Variants in ABCB1 observed in about 807,000 individuals in gnomAD.
ABCB1 encodes ATP-dependent translocase ABCB1.
A neutral mutation model predicts 142.0 loss-of-function variants in ABCB1; 69 were observed. The observed-to-expected ratio is 0.49, with a 90% CI of 0.40 to 0.59. The LOEUF (loss-of-function observed/expected upper bound fraction) is 0.59, where lower values mean the gene tolerates loss of function less well. ABCB1 is among the 20% of genes least tolerant of loss of function. The pLI, the probability that ABCB1 is intolerant of heterozygous loss-of-function variation, is 0.00. For synonymous variants in ABCB1, 532 were observed against 539.2 expected, an observed-to-expected ratio of 0.99 and a Z score of 0.18; for missense variants, 1,326 against 1,554.7, an observed-to-expected ratio of 0.85 and a Z score of 2.47.
At chr7:87,549,206 C>A in intron 14 of ABCB1, 142 bp downstream of exon 14, 3 of 868,806 alleles carry the variant, frequency 3.5e-6, no homozygotes, top group South Asian at 1.7e-5. Flanking sequence ...TCAAAGAGGC[C>A]CAATGCTTTT....
intron 22 of ABCB1, 32 bp from the exon 23 acceptor site, chr7:87,519,498 C>T: frequency 6.2e-7 from 1 of 1,613,238 alleles, no homozygotes; most frequent in Non-Finnish European, 8.5e-7. Context: ...ACTCATTCCA[C>T]TTTCATTTCT....
intron 1 of ABCB1, among the ~76,000 whole-genome samples, chr7:87,667,983 G>A (rs1825435833): frequency 1.3e-5 from 2 of 152,034 alleles, no homozygotes; most frequent in African/African-American, 4.8e-5. Flanking sequence ...TGGGTATTAA[G>A]ATGATGTTGG....
intron 1 of ABCB1, among the ~76,000 whole-genome samples, chr7:87,667,222 C>A (rs1037910334): frequency 2.0e-5 from 3 of 151,962 alleles, no homozygotes; most frequent in Non-Finnish European, 4.4e-5. Context: ...AGCTGTATTG[C>A]TATGAAGTTT....
chr7:87,681,173 A>G (rs995074734), intron 1 of ABCB1, among the ~76,000 whole-genome samples: 1 of 150,734 alleles, frequency 6.6e-6, no homozygotes, highest in Non-Finnish European at 1.5e-5. Flanking sequence ...TATCTATTAA[A>G]GAAGTTGAAT....
chr7:87,563,424 T>C (rs923897471), intron 7 of ABCB1: 21 of 453,500 alleles, frequency 4.6e-5, no homozygotes, highest in Admixed American at 4.5e-4. Flanking sequence ...AGCAAAATCC[T>C]GGCAAACTGA....
chr7:87,535,263 G>C (rs914566652), intron 20 of ABCB1, among the ~76,000 whole-genome samples: 2 of 151,648 alleles, frequency 1.3e-5, no homozygotes, highest in Non-Finnish European at 2.9e-5. Context: ...TCTACTTCTG[G>C]ATATAATGCT....
intron 16 of ABCB1, 135 bp downstream of exon 16, chr7:87,544,688 G>A: frequency 1.2e-6 from 1 of 839,680 alleles, no homozygotes; most frequent in Non-Finnish European, 1.9e-6. Context: ...ATTCTAAAAT[G>A]TTGACATTCT....
At chr7:87,617,997 T>C (rs1019822303) in intron 1 of ABCB1, among the ~76,000 whole-genome samples, 5 of 152,148 alleles carry the variant, frequency 3.3e-5, no homozygotes, top group Non-Finnish European at 5.9e-5. Flanking sequence ...TACATACTCT[T>C]CCTCTGCCTG....
intron 21 of ABCB1, among the ~76,000 whole-genome samples, chr7:87,527,053 C>T (rs1815813513): frequency 6.6e-6 from 1 of 151,924 alleles, no homozygotes; most frequent in Non-Finnish European, 1.5e-5. Flanking sequence ...GATATCCTTT[C>T]TTCTCAATGA....
Position 87,570,230 on chromosome 7 carries a change from C to T in ABCB1, c.287-7G>A. Reference sequence around the variant, plus strand: ...CCTGTATCATTGATATCACCTAGACCACCACAAAACAAACATACCATTTAT... The same window carrying T: ...CCTGTATCATTGATATCACCTAGACTACCACAAAACAAACATACCATTTAT... On this transcript the variant is annotated splice_polypyrimidine_tract_variant and splice_region_variant and intron_variant, in intron 4 of 27. Coordinates refer to ENST00000622132, the MANE Select transcript of ABCB1 (RefSeq NM_001348946.2). 6.2e-7 allele frequency: 1 copy of T among 1,611,738 alleles called. No individual in the cohort carries two copies. Among genetic ancestry groups the T allele is most frequent in the Non-Finnish European group, 8.5e-7 (1 of 1,178,528 alleles).
intron 1 of ABCB1, among the ~76,000 whole-genome samples, chr7:87,663,223 C>G (rs940103294): frequency 2.6e-5 from 4 of 151,964 alleles, no homozygotes; most frequent in Admixed American, 2.6e-4. Flanking sequence ...TAGTTGGATG[C>G]CCTTTATTTC....
At chr7:87,713,143 A>ACT (rs1333063514) in intron 1 of ABCB1, 1 of 152,182 alleles carries the variant, frequency 6.6e-6, no homozygotes, top group African/African-American at 2.4e-5. Context: ...ACAATTAGAA[A>ACT]GAGTATTTGT....
intron 23 of ABCB1, among the ~76,000 whole-genome samples, chr7:87,517,828 C>T (rs1307455993): frequency 1.3e-5 from 2 of 148,408 alleles, no homozygotes; most frequent in Non-Finnish European, 3.0e-5. Flanking sequence ...GTCCAGCTCT[C>T]CATGTTCGTG....
chr7:87,681,133 A>C (rs1305545781), intron 1 of ABCB1, among the ~76,000 whole-genome samples: 2 of 150,666 alleles, frequency 1.3e-5, no homozygotes, highest in East Asian at 4.0e-4. Flanking sequence ...AACAAAACTC[A>C]TAAAGAAGTA....
intron 1 of ABCB1, among the ~76,000 whole-genome samples, chr7:87,701,980 G>A (rs1354543774): frequency 2.0e-5 from 3 of 151,430 alleles, no homozygotes; most frequent in Non-Finnish European, 4.4e-5. Context: ...CGTCTCTACT[G>A]AAAATATAAA....
At chr7:87,710,581 G>T in intron 1 of ABCB1, 1 of 1,582,664 alleles carries the variant, frequency 6.3e-7, no homozygotes, top group East Asian at 2.3e-5. Flanking sequence ...GTAGAGCCTG[G>T]ATCAGAGTAG....
intron 21 of ABCB1, chr7:87,521,444 C>G (rs1483067333): frequency 1.4e-6 from 1 of 700,766 alleles, no homozygotes; most frequent in Non-Finnish European, 2.6e-6. Context: ...CTTAAAGTCT[C>G]TCTTTCCCCT....
At chr7:87,642,838 A>G (rs1822590158) in intron 1 of ABCB1, among the ~76,000 whole-genome samples, 1 of 152,202 alleles carries the variant, frequency 6.6e-6, no homozygotes, top group South Asian at 2.1e-4. Context: ...CTAGATTAAC[A>G]ATTCTCTTTT....
chr7:87,570,574 TGA>T (rs1818007672), intron 4 of ABCB1, among the ~76,000 whole-genome samples: 1 of 152,232 alleles, frequency 6.6e-6, no homozygotes, highest in East Asian at 1.9e-4. Flanking sequence ...TAAATGCCAT[TGA>T]GTACTTGGTA....
Sources: allele counts gnomAD v4.1 joint callset (sites outside exome capture counted in the v4.1 genomes callset), GRCh38; gene constraint gnomAD v4.1.1; transcripts MANE v1.5; gene names NCBI Gene and HGNC (gene_info 2026-07-23, HGNC 2026-07-21).